The following PTPRT variants were observed in gnomAD, a reference collection of about 807,000 sequenced individuals.
PTPRT encodes protein tyrosine phosphatase receptor type T.
Under a neutral mutation model 176.8 loss-of-function variants are expected in PTPRT, and 56 were observed. That is an observed-to-expected ratio of 0.32 (90% CI 0.26 to 0.40). The LOEUF (loss-of-function observed/expected upper bound fraction) is 0.40, where lower values mean the gene tolerates loss of function less well. Among genes scored for constraint, PTPRT ranks in the 10% least tolerant of loss-of-function variants. PTPRT has a pLI of 1.00. For synonymous variants in PTPRT, 783 were observed against 739.0 expected, an observed-to-expected ratio of 1.06 and a Z score of -0.96; for missense variants, 1,540 against 1,908.2, an observed-to-expected ratio of 0.81 and a Z score of 3.60.
At position 43,041,547 on chromosome 20, in the gene PTPRT, C is replaced by T. The variant is rs186837135; in HGVS notation, c.88+148099G>A. Among the ~76,000 whole-genome samples the T allele has an allele frequency of 1.5e-3, 236 of 152,310 alleles. 2 individuals are homozygous for T. Among genetic ancestry groups the T allele is most frequent in the Non-Finnish European group, 6.2e-4 (42 of 68,020 alleles). On this transcript the variant is annotated intron_variant, in intron 1 of 30. Coordinates refer to ENST00000373187, the MANE Select transcript of PTPRT (RefSeq NM_007050.6). ...GTTGTAGGAAAGTACCTATAAGAGC[C>T]TTGCCAGCCTTGGGTGATGGCCATA...
chr20:42,418,585 T>C (rs1234775147), intron 9 of PTPRT, among the ~76,000 whole-genome samples: 2 of 152,098 alleles, frequency 1.3e-5, no homozygotes, highest in East Asian at 3.9e-4. Flanking sequence ...TGAAAGACAA[T>C]AGGAAGATGA....
intron 16 of PTPRT, among the ~76,000 whole-genome samples, chr20:42,188,427 G>A (rs545058818): frequency 7.2e-5 from 11 of 152,224 alleles, no homozygotes; most frequent in East Asian, 1.9e-4. Context: ...TTGGTTTCTC[G>A]GTAGCTATGT....
chr20:42,691,430 G>C (rs527874088), intron 6 of PTPRT, among the ~76,000 whole-genome samples: 2 of 152,290 alleles, frequency 1.3e-5, no homozygotes, highest in Admixed American at 6.5e-5. Context: ...TATGTGCAAG[G>C]GGGGAGATGC....
intron 1 of PTPRT, among the ~76,000 whole-genome samples, chr20:43,111,529 G>T (rs1236242912): frequency 1.4e-5 from 2 of 140,852 alleles, no homozygotes; most frequent in South Asian, 2.3e-4. Context: ...GGGGGACAGA[G>T]CGAGACTCCG....
intron 1 of PTPRT, among the ~76,000 whole-genome samples, chr20:42,909,037 C>T (rs541899811): frequency 1.2e-3 from 189 of 152,238 alleles, no homozygotes; most frequent in Non-Finnish European, 2.2e-3. Flanking sequence ...TACCTGTAGT[C>T]CCAGCCACTT....
intron 18 of PTPRT, among the ~76,000 whole-genome samples, chr20:42,134,077 C>G (rs1434663306): frequency 6.6e-6 from 1 of 152,180 alleles, no homozygotes; most frequent in African/African-American, 2.4e-5. Context: ...AAAGGCACTG[C>G]AAGGAGTGGC....
At chr20:42,350,448 T>G (rs116295861) in intron 11 of PTPRT, among the ~76,000 whole-genome samples, 180 bp downstream of exon 11, 12 of 152,272 alleles carry the variant, frequency 7.9e-5, no homozygotes, top group African/African-American at 2.9e-4. Context: ...TCACCCAGGT[T>G]TGCCTTGAAC....
At chr20:42,545,586 T>C (rs971595639) in intron 7 of PTPRT, among the ~76,000 whole-genome samples, 1 of 152,362 alleles carries the variant, frequency 6.6e-6, no homozygotes, top group East Asian at 1.9e-4. Flanking sequence ...CTTCTCTTCC[T>C]ACTCAAACTG....
chr20:43,112,212 T>A (rs1568791998), intron 1 of PTPRT, among the ~76,000 whole-genome samples: 1 of 152,208 alleles, frequency 6.6e-6, no homozygotes, highest in Non-Finnish European at 1.5e-5. Flanking sequence ...CCTTCTCATC[T>A]TTTCAGATTT....
At chr20:42,837,709 A>C (rs2078206576) in intron 2 of PTPRT, among the ~76,000 whole-genome samples, 1 of 152,202 alleles carries the variant, frequency 6.6e-6, no homozygotes, top group Non-Finnish European at 1.5e-5. Context: ...TTAGCAACGA[A>C]GAGTCCAGTT....
At chr20:42,194,761 T>G (rs910006704) in intron 16 of PTPRT, among the ~76,000 whole-genome samples, 2 of 152,178 alleles carry the variant, frequency 1.3e-5, no homozygotes, top group Non-Finnish European at 2.9e-5. Flanking sequence ...CACGTACTCC[T>G]TTTTCAAGAA....
At chr20:42,901,598 C>T (rs1250112435) in intron 1 of PTPRT, among the ~76,000 whole-genome samples, 2 of 152,152 alleles carry the variant, frequency 1.3e-5, no homozygotes, top group South Asian at 2.1e-4. Context: ...CAGTTTGTGT[C>T]TTCTGTTCTG....
chr20:42,986,946 C>G (rs1447885527), intron 1 of PTPRT, among the ~76,000 whole-genome samples: 4 of 152,122 alleles, frequency 2.6e-5, no homozygotes, highest in Admixed American at 2.6e-4. Flanking sequence ...GTCTTAGAGG[C>G]CACATCCCTG....
chr20:42,895,855 C>G (rs1057403883), intron 1 of PTPRT, among the ~76,000 whole-genome samples: 1 of 152,160 alleles, frequency 6.6e-6, no homozygotes, highest in African/African-American at 2.4e-5. Flanking sequence ...TGGCTGACTT[C>G]TCTTTAACGA....
At chr20:42,218,254 T>C (rs1568681882) in intron 15 of PTPRT, among the ~76,000 whole-genome samples, 2 of 152,134 alleles carry the variant, frequency 1.3e-5, no homozygotes. Context: ...TACATTAAGT[T>C]AAAAAAACTA....
intron 7 of PTPRT, among the ~76,000 whole-genome samples, chr20:42,477,995 C>G (rs1250065083): frequency 6.6e-6 from 1 of 152,152 alleles, no homozygotes; most frequent in Non-Finnish European, 1.5e-5. Flanking sequence ...CCTTCTGGTC[C>G]AGGCTCCACA....
At chr20:42,151,670 G>T (rs1185126724) in intron 17 of PTPRT, among the ~76,000 whole-genome samples, 1 of 152,126 alleles carries the variant, frequency 6.6e-6, no homozygotes, top group Non-Finnish European at 1.5e-5. Flanking sequence ...CCCAGTAATG[G>T]GATTGCTGGG....
At chr20:42,264,553 G>A (rs1302745085) in intron 13 of PTPRT, among the ~76,000 whole-genome samples, 4 of 152,146 alleles carry the variant, frequency 2.6e-5, no homozygotes, top group Admixed American at 6.5e-5. Flanking sequence ...CTGCCCTCGT[G>A]GCCTCCAGCT....
At chr20:43,145,619 T>C (rs1465803905) in intron 1 of PTPRT, among the ~76,000 whole-genome samples, 1 of 152,210 alleles carries the variant, frequency 6.6e-6, no homozygotes, top group Non-Finnish European at 1.5e-5. Context: ...AAAAAGAGAA[T>C]GTGAACACTT....
Sources: allele counts gnomAD v4.1 joint callset (sites outside exome capture counted in the v4.1 genomes callset), GRCh38; gene constraint gnomAD v4.1.1; transcripts MANE v1.5; gene names NCBI Gene and HGNC (gene_info 2026-07-23, HGNC 2026-07-21).